TRPC1: variants seen among roughly 807,000 people sequenced by gnomAD.
TRPC1 encodes the protein short transient receptor potential channel 1.
In TRPC1, 42 loss-of-function variants were observed where a neutral mutation model predicts 88.2. That is an observed-to-expected ratio of 0.48 (90% CI 0.37 to 0.62). The LOEUF is 0.62. Among genes scored for constraint, TRPC1 ranks in the 20% least tolerant of loss-of-function variants. TRPC1 has a pLI of 0.00. For missense variants in TRPC1, 699 were observed against 957.3 expected (o/e 0.73, Z 3.56); for synonymous variants, 288 against 331.8 (o/e 0.87, Z 1.43).
chr3:142,786,637 T>A (rs1936141632), intron 7 of TRPC1, among the ~76,000 whole-genome samples: 2 of 152,190 alleles, frequency 1.3e-5, no homozygotes, highest in Non-Finnish European at 2.9e-5. Flanking sequence ...ACTGTGGGAC[T>A]CTTTCAATGT....
intron 1 of TRPC1, 41 bp from the exon 2 acceptor site, chr3:142,736,338 A>G (rs201905055): frequency 6.9e-7 from 1 of 1,443,684 alleles, no homozygotes; most frequent in South Asian, 1.5e-5. Flanking sequence ...CTTACTTGAT[A>G]TGTCACGGAT....
chr3:142,751,087 A>G (rs1934746920), intron 4 of TRPC1, among the ~76,000 whole-genome samples: 1 of 152,198 alleles, frequency 6.6e-6, no homozygotes, highest in South Asian at 2.1e-4. Flanking sequence ...ACAAAATAAA[A>G]AAATTACTGT....
chr3:142,726,101 G>T (rs148689101), intron 1 of TRPC1, among the ~76,000 whole-genome samples: 16 of 152,298 alleles, frequency 1.1e-4, no homozygotes, highest in African/African-American at 3.4e-4. Flanking sequence ...TATTGCTGGA[G>T]TGGGTTGCCT....
At position 142,724,948 on chromosome 3, in the gene TRPC1, TGCA is replaced by T. The variant is rs1560087488; in HGVS notation, c.172+218_172+220del. ...AGCTGGGGCTGCGCCCTCGGAGCGC[TGCA>T]CCGTCGGGGGTGGCTCTGGCCTTGG... On this transcript the variant is annotated intron_variant, in intron 1 of 12. Coordinates refer to ENST00000476941, the MANE Select transcript of TRPC1 (RefSeq NM_001251845.2). The surrounding 1 kb of genome is among the most constrained non-coding windows in gnomAD (Gnocchi z 5.6). 5.9e-5 allele frequency among the ~76,000 whole-genome samples: 9 copies of T among 152,202 alleles called. No individual in the cohort carries two copies. The East Asian group carries it at 7.7e-4, about 13-fold the overall frequency.
chr3:142,804,743 T>A, intron 12 of TRPC1, 113 bp downstream of exon 12: 1 of 921,406 alleles, frequency 1.1e-6, no homozygotes, highest in Non-Finnish European at 1.6e-6. Flanking sequence ...TGTCTGACTT[T>A]TTTTCACTGC....
At chr3:142,753,671 A>T (rs950061048) in intron 4 of TRPC1, among the ~76,000 whole-genome samples, 2 of 145,120 alleles carry the variant, frequency 1.4e-5, no homozygotes, top group Non-Finnish European at 3.0e-5. Context: ...AGGCTGAGGC[A>T]GGAGAATCGC....
Position 142,802,254 on chromosome 3 carries a change from C to T in TRPC1, c.1667C>T (p.Thr556Ile). 3.1e-6 allele frequency: 5 copies of T among 1,600,084 alleles called. No homozygotes were observed. The highest frequency in any genetic ancestry group is 3.4e-6 in the Non-Finnish European group (4 of 1,174,278). Residue 556 changes from threonine (T) to isoleucine (I), a missense_variant, in exon 10 of 13, where the codon ACA (threonine) becomes ATA (isoleucine). Physicochemically the swap from Thr to Ile is moderately conservative, Grantham distance 89. This residue lies in a region of TRPC1 where 426 missense variants were observed against 641.3 expected (regional missense o/e 0.66). Transcript: ENST00000476941. ...TTGTTTTCTTTCACAATTGGACTGA[C>T]ACAACTGTATGATAAAGGATATACT... ...LVLFSFTIGL[T>I]QLYDKGYTSK...
intron 2 of TRPC1, among the ~76,000 whole-genome samples, chr3:142,739,402 G>T (rs1211972403): frequency 6.6e-6 from 1 of 152,148 alleles, no homozygotes; most frequent in Non-Finnish European, 1.5e-5. Flanking sequence ...AGAATCTATG[G>T]TCTTACCTAT....
chr3:142,803,608 G>A (rs1936688721), intron 10 of TRPC1, among the ~76,000 whole-genome samples: 3 of 151,658 alleles, frequency 2.0e-5, no homozygotes, highest in Admixed American at 2.0e-4. Context: ...GGGTAATGGG[G>A]ATCATGTAGG....
At position 142,736,389 on chromosome 3, in the gene TRPC1, T is replaced by C; in HGVS notation, c.183T>C (p.Tyr61=). 13 of 1,603,936 alleles carry C rather than the reference T, an allele frequency of 8.1e-6. No homozygotes were observed. The highest frequency in any genetic ancestry group is 2.2e-5 in the South Asian group (2 of 89,290). The part of the protein sequence containing the change: ...FLLACDKGDY[Y]MVKKILEENS... ...TATATTGTTATTTAGGTGACTATTA[T>C]ATGGTTAAAAAGATTTTGGAGGAAA... The change falls in exon 2 of 13, where the codon TAT becomes TAC. Residue 61 remains tyrosine (Y), a synonymous_variant. Transcript: ENST00000476941.
rs139971742 is a variant in TRPC1, at chr3:142,793,094, C to T, written c.1581+127C>T. 57 of 779,080 alleles carry T rather than the reference C, an allele frequency of 7.3e-5. No individual in the cohort carries two copies. In the African/African-American group the frequency reaches 9.8e-4, roughly 13 times the overall value. 48.3% of individuals were successfully genotyped at this position (779,080 alleles called of 1,614,324 possible). ...AAACTTTGCTCTTGAGAATAAGTAG[C>T]AATTAGAAGGACACAGCATGTTTAT... On this transcript the variant is annotated intron_variant, in intron 9 of 12. Transcript: ENST00000476941.
At chr3:142,754,427 A>C (rs1333470535) in intron 4 of TRPC1, among the ~76,000 whole-genome samples, 1 of 152,332 alleles carries the variant, frequency 6.6e-6, no homozygotes, top group Admixed American at 6.5e-5. Flanking sequence ...ATAATAAAAA[A>C]AATGACGAGT....
chr3:142,770,450 T>C (rs1935539028), intron 4 of TRPC1, among the ~76,000 whole-genome samples: 1 of 152,208 alleles, frequency 6.6e-6, no homozygotes, highest in Admixed American at 6.5e-5. Flanking sequence ...TAGAAGGTAT[T>C]CCTCTTTAGT....
intron 3 of TRPC1, among the ~76,000 whole-genome samples, chr3:142,746,198 C>T (rs1934548503): frequency 6.6e-6 from 1 of 152,118 alleles, no homozygotes; most frequent in South Asian, 2.1e-4. Context: ...TTTAGCATTT[C>T]AATGAATTCA....
At position 142,751,288 on chromosome 3, in the gene TRPC1, A is replaced by G. The variant is rs549858509; in HGVS notation, c.632+2828A>G. ...GCCACTGATGGTAAATGCCCTGTAC[A>G]GGTATACCATTTTTTAATATTTTAT... On this transcript the variant is annotated intron_variant, in intron 4 of 12. Transcript: ENST00000476941. Among the ~76,000 whole-genome samples the G allele has an allele frequency of 1.1e-4, 17 of 152,324 alleles. No homozygotes were observed. In the South Asian group the frequency reaches 3.1e-3, roughly 28 times the overall value.
At chr3:142,804,862 T>C (rs1936739368) in intron 12 of TRPC1, among the ~76,000 whole-genome samples, 1 of 152,070 alleles carries the variant, frequency 6.6e-6, no homozygotes, top group African/African-American at 2.4e-5. Flanking sequence ...ATCCCAGCAC[T>C]TTGGGAGGCT....
At chr3:142,790,180 G>A (rs1936252443) in intron 7 of TRPC1, among the ~76,000 whole-genome samples, 1 of 152,094 alleles carries the variant, frequency 6.6e-6, no homozygotes, top group Non-Finnish European at 1.5e-5. Flanking sequence ...CCAGAAGGAA[G>A]AGCCAGTATA....
chr3:142,797,525 A>T (rs2033912), intron 9 of TRPC1, among the ~76,000 whole-genome samples: 54,368 of 151,920 alleles, frequency 0.36, 13,667 homozygotes, highest in African/African-American at 0.72. Context: ...TACTTGAAAG[A>T]GCTTGTATCT....
chr3:142,748,545 C>A, intron 4 of TRPC1, 85 bp downstream of exon 4: 1 of 1,439,476 alleles, frequency 6.9e-7, no homozygotes, highest in Non-Finnish European at 9.6e-7. Flanking sequence ...TTCTATGCAG[C>A]TTTTAAGAAA....
Sources: gnomAD v4.1 joint callset for allele counts (sites outside exome capture counted in the v4.1 genomes callset) on GRCh38, gnomAD v4.1.1 for gene constraint, gnomAD v4.1.1 regional missense constraint, Gnocchi (gnomAD v3.1) non-coding constraint, MANE v1.5 for transcripts, NCBI Gene and HGNC (gene_info 2026-07-23, HGNC 2026-07-21) for gene names.